Variants in TCF4 observed in about 807,000 individuals in gnomAD.
TCF4 encodes the protein SL3-3 enhancer factor 2.
A neutral mutation model predicts 82.1 loss-of-function variants in TCF4; 3 were observed. That is an observed-to-expected ratio of 0.04 (90% CI 0.02 to 0.09). The LOEUF (loss-of-function observed/expected upper bound fraction) is 0.09. Among genes scored for constraint, TCF4 ranks in the 10% least tolerant of loss-of-function variants. The probability of loss-of-function intolerance (pLI) is 1.00; values close to 1 mark genes in which losing one functional copy is unlikely to be tolerated. For synonymous variants in TCF4, 276 were observed against 309.6 expected (o/e 0.89, Z 1.14); for missense variants, 518 against 852.7 (o/e 0.61, Z 4.89).
chr18:55,328,028 C>G (rs184030021), intron 8 of TCF4, among the ~76,000 whole-genome samples: 2 of 152,236 alleles, frequency 1.3e-5, no homozygotes, highest in East Asian at 3.9e-4. Context: ...AAAATGGCAT[C>G]ACCCTGCAAA....
intron 3 of TCF4, among the ~76,000 whole-genome samples, chr18:55,524,755 G>A (rs1354228090): frequency 6.6e-6 from 1 of 152,144 alleles, no homozygotes; most frequent in African/African-American, 2.4e-5. Flanking sequence ...GCAACTGAAG[G>A]CCAGAGAATA....
chr18:55,442,075 T>C (rs974265089), intron 5 of TCF4, among the ~76,000 whole-genome samples: 16 of 152,202 alleles, frequency 1.1e-4, no homozygotes, highest in African/African-American at 3.9e-4. Flanking sequence ...AGAACTATAA[T>C]AGCCTGAAAA....
At chr18:55,550,013 A>G (rs1314696584) in intron 3 of TCF4, among the ~76,000 whole-genome samples, 1 of 152,232 alleles carries the variant, frequency 6.6e-6, no homozygotes, top group Non-Finnish European at 1.5e-5. Flanking sequence ...CCTGGATTCC[A>G]GAGGTAAATA....
intron 5 of TCF4, among the ~76,000 whole-genome samples, chr18:55,427,193 C>A (rs1356083690): frequency 1.3e-5 from 2 of 152,144 alleles, no homozygotes; most frequent in Non-Finnish European, 2.9e-5. Context: ...CTTGCCCATT[C>A]CTTCATTCTT....
intron 5 of TCF4, among the ~76,000 whole-genome samples, chr18:55,418,991 G>A (rs1309314524): frequency 1.3e-5 from 2 of 152,034 alleles, no homozygotes; most frequent in Non-Finnish European, 2.9e-5. Flanking sequence ...GGGCCATTGT[G>A]TACTGTAGAT....
intron 3 of TCF4, among the ~76,000 whole-genome samples, chr18:55,524,080 A>G (rs1295581969): frequency 6.6e-6 from 1 of 152,146 alleles, no homozygotes; most frequent in Non-Finnish European, 1.5e-5. Flanking sequence ...AAGGTCAGGC[A>G]TGTTATTTTG....
At chr18:55,418,349 T>C (rs994891856) in intron 5 of TCF4, among the ~76,000 whole-genome samples, 1 of 152,146 alleles carries the variant, frequency 6.6e-6, no homozygotes, top group East Asian at 1.9e-4. Context: ...CACATTTTTT[T>C]CTGGTGGTCT....
At chr18:55,455,199 A>G (rs1194370697) in intron 5 of TCF4, among the ~76,000 whole-genome samples, 185 of 149,944 alleles carry the variant, frequency 1.2e-3, no homozygotes, top group African/African-American at 3.5e-3. Flanking sequence ...AAAAAAAAAA[A>G]AAAAGAAAAG....
rs529174484 is a variant in TCF4, at chr18:55,260,057, C to A, written c.991-30G>T. 117 of 1,469,520 alleles carry A rather than the reference C, an allele frequency of 8.0e-5. No individual in the cohort carries two copies. In the South Asian group the frequency reaches 1.2e-3, roughly 15 times the overall value. 91.0% of individuals were successfully genotyped at this position (1,469,520 alleles called of 1,614,324 possible). A position where few individuals can be genotyped will look rare whatever the true frequency, so the allele number is the denominator to read the frequency against. On this transcript the variant is annotated intron_variant, in intron 12 of 19. Coordinates refer to ENST00000354452, the MANE Select transcript of TCF4 (RefSeq NM_001083962.2). ...AAACAATAAGGAGAAAAAAAAAACA[C>A]CCTCATTCATTAAAATAATTCACAC...
In TCF4 at chr18:55,487,830, A is replaced by G. The variant is rs577699945; in HGVS notation, c.146-23693T>C. Among the ~76,000 whole-genome samples, 29 of 152,200 alleles carry G rather than the reference A, an allele frequency of 1.9e-4. 1 individual carries two copies. The South Asian group carries it at 4.8e-3, about 25-fold the overall frequency. ...AGATTTGAAATGGCATGACTTGACT[A>G]CCTGATATATAGTTTATTACTGGTT... On this transcript the variant is annotated intron_variant, in intron 3 of 19. Coordinates refer to ENST00000354452, the MANE Select transcript of TCF4 (RefSeq NM_001083962.2).
At chr18:55,499,015 G>T (rs1432280181) in intron 3 of TCF4, among the ~76,000 whole-genome samples, 1 of 152,100 alleles carries the variant, frequency 6.6e-6, no homozygotes, top group Non-Finnish European at 1.5e-5. Context: ...GAAAGTTTTT[G>T]TTTTTTAGAT....
intron 3 of TCF4, among the ~76,000 whole-genome samples, chr18:55,563,202 G>A (rs2097370399): frequency 7.1e-6 from 1 of 140,044 alleles, no homozygotes. Context: ...TCACACCACT[G>A]CACTCCATCC....
chr18:55,530,101 A>T (rs2097042447), intron 3 of TCF4, among the ~76,000 whole-genome samples: 1 of 152,236 alleles, frequency 6.6e-6, no homozygotes, highest in Admixed American at 6.5e-5. Flanking sequence ...TGCCAGTAAG[A>T]GGCAAAAACT....
intron 6 of TCF4, among the ~76,000 whole-genome samples, chr18:55,402,536 C>T (rs942163715): frequency 6.1e-5 from 9 of 148,356 alleles, no homozygotes; most frequent in African/African-American, 2.2e-4. Context: ...ATAATAAAAA[C>T]AGTAGAGAGC....
intron 11 of TCF4, chr18:55,267,107 T>C (rs1019487930): frequency 3.3e-5 from 5 of 152,180 alleles, no homozygotes; most frequent in African/African-American, 4.8e-5. Context: ...AAATGTGATG[T>C]CCATGTGTTA....
At chr18:55,406,829 C>G (rs921039054) in intron 5 of TCF4, among the ~76,000 whole-genome samples, 3 of 152,336 alleles carry the variant, frequency 2.0e-5, no homozygotes, top group Non-Finnish European at 2.9e-5. Flanking sequence ...GATGAACAAA[C>G]CCGGCGCGTT....
intron 3 of TCF4, among the ~76,000 whole-genome samples, chr18:55,530,564 G>GC (rs1049085368): frequency 4.0e-5 from 6 of 149,528 alleles, no homozygotes; most frequent in South Asian, 2.2e-4. Flanking sequence ...CCTGAAAAGG[G>GC]GGGGGGAAAC....
chr18:55,600,211 T>C (rs1186874949), intron 2 of TCF4, among the ~76,000 whole-genome samples: 1 of 152,188 alleles, frequency 6.6e-6, no homozygotes, highest in East Asian at 1.9e-4. Context: ...TTGTTTCTTT[T>C]GAATATGTAC....
chr18:55,442,555 G>A (rs1018441789), intron 5 of TCF4, among the ~76,000 whole-genome samples: 8 of 152,200 alleles, frequency 5.3e-5, no homozygotes, highest in Non-Finnish European at 1.0e-4. Context: ...CGGCTCTTCT[G>A]AGACATAGCA....
Sources: allele counts gnomAD v4.1 joint callset (sites outside exome capture counted in the v4.1 genomes callset), GRCh38; gene constraint gnomAD v4.1.1; transcripts MANE v1.5; gene names NCBI Gene and HGNC (gene_info 2026-07-23, HGNC 2026-07-21).